The following LRP1B variants were observed in gnomAD, a reference collection of about 807,000 sequenced individuals.
The protein encoded by LRP1B is LDL receptor related protein 1B.
LRP1B carries 217 observed loss-of-function variants against 556.6 expected under a neutral mutation model. The observed-to-expected ratio is 0.39, with a 90% CI of 0.35 to 0.44. The LOEUF is 0.44. Among genes scored for constraint, LRP1B ranks in the 20% least tolerant of loss-of-function variants. The probability of loss-of-function intolerance (pLI) is 1.00; values close to 1 mark genes in which losing one functional copy is unlikely to be tolerated. For synonymous variants in LRP1B, 2,047 were observed against 1,865.8 expected (o/e 1.10, Z -2.50); for missense variants, 5,053 against 5,620.8 (o/e 0.90, Z 3.23).
intron 27 of LRP1B, among the ~76,000 whole-genome samples, chr2:140,854,363 A>G (rs1692552567): frequency 6.6e-6 from 1 of 152,158 alleles, no homozygotes; most frequent in South Asian, 2.1e-4. Flanking sequence ...AATTGCATTG[A>G]CTTTGTAGCC....
rs1688429602 is a variant in LRP1B at position 140,485,517 on chromosome 2, T to C, written c.9251A>G (p.His3084Arg). The change falls in exon 59 of 91, where the codon CAT (histidine) becomes CGT (arginine). Residue 3084 changes from histidine (H) to arginine (R), a missense_variant. By Grantham distance (29) the His-to-Arg change is conservative (BLOSUM62 0). Around this residue, in one of 5 missense-constraint regions of LRP1B, gnomAD observed 3,619 missense variants for 3,931.9 expected, o/e 0.92. Transcript: ENST00000389484. ...AAGTGCATTGGGGACCGCTGTGTTA[T>C]GAACTACCTACAAAACAAGAATTTA... ...CLNGSDIKVVHNTAVPNALAV... is the reference protein window; with the variant it reads ...CLNGSDIKVVRNTAVPNALAV... The C allele has an allele frequency of 3.7e-6, 6 of 1,610,932 alleles. No individual in the cohort carries two copies. Among genetic ancestry groups the C allele is most frequent in the African/African-American group, 1.3e-5 (1 of 74,718 alleles).
chr2:141,291,855 C>CAAAAAAAAAAACAAAAAAAAAAAA (rs1685970096), intron 3 of LRP1B, among the ~76,000 whole-genome samples: 1 of 99,334 alleles, frequency 1.0e-5, no homozygotes, highest in Non-Finnish European at 1.9e-5. Context: ...GACTCTGTCT[C>CAAAAAAAAAAACAAAAAAAAAAAA]AAAAAAAAAA....
chr2:141,034,220 A>G (rs961736371), intron 11 of LRP1B, among the ~76,000 whole-genome samples: 4 of 152,132 alleles, frequency 2.6e-5, no homozygotes, highest in Admixed American at 6.6e-5. Flanking sequence ...CTGTATTCCA[A>G]TTAGGAAATT....
chr2:141,210,927 A>G (rs1203284260), intron 6 of LRP1B, among the ~76,000 whole-genome samples: 1 of 152,194 alleles, frequency 6.6e-6, no homozygotes, highest in Non-Finnish European at 1.5e-5. Flanking sequence ...TAACAGCTAA[A>G]CTAACAATAA....
intron 2 of LRP1B, among the ~76,000 whole-genome samples, chr2:141,487,338 T>C (rs1275706999): frequency 6.6e-6 from 1 of 152,174 alleles, no homozygotes; most frequent in Non-Finnish European, 1.5e-5. Flanking sequence ...GCAGGTTTCT[T>C]GACACGGAAT....
chr2:141,683,149 A>G (rs1691164932), intron 2 of LRP1B, among the ~76,000 whole-genome samples: 1 of 152,134 alleles, frequency 6.6e-6, no homozygotes, highest in Non-Finnish European at 1.5e-5. Flanking sequence ...AGATTTTGGT[A>G]CTGGAAGTGG....
intron 2 of LRP1B, among the ~76,000 whole-genome samples, chr2:141,698,377 T>C (rs750664360): frequency 6.6e-6 from 1 of 151,696 alleles, no homozygotes; most frequent in African/African-American, 2.4e-5. Flanking sequence ...CAACAGCAGG[T>C]TGGCCTAATG....
chr2:140,953,331 C>T (rs1420244640), intron 18 of LRP1B, among the ~76,000 whole-genome samples: 2 of 152,088 alleles, frequency 1.3e-5, no homozygotes, highest in Non-Finnish European at 2.9e-5. Context: ...CCTTGTGATC[C>T]ACATGCCTCA....
Position 141,248,848 on chromosome 2 carries a change from A to C in LRP1B, c.464-1494T>G, listed in dbSNP as rs564059396. The stretch of plus-strand genomic sequence containing the variant: ...AATTAGATATGTGCTAATTTTATCC[A>C]AGAAATTGTCTTTTGAAGTTATATT... On this transcript the variant is annotated intron_variant, in intron 4 of 90. Coordinates refer to ENST00000389484, the MANE Select transcript of LRP1B (RefSeq NM_018557.3). Among the ~76,000 whole-genome samples the C allele has an allele frequency of 2.6e-5, 4 of 152,324 alleles. No homozygotes were observed. In the East Asian group the frequency reaches 7.7e-4, roughly 29 times the overall value.
Position 140,357,981 on chromosome 2 carries a change from A to G in LRP1B, c.11393T>C (p.Ile3798Thr). 1 of 1,609,678 alleles carries G rather than the reference A, an allele frequency of 6.2e-7. No homozygotes were observed. The highest frequency in any genetic ancestry group is 8.5e-7 in the Non-Finnish European group (1 of 1,177,036). ...TGCTTAACAGAAAACAAGCTCACCT[A>G]TTCTGCATCCTTGCTCATCTGAACC... Reference protein sequence around the residue: ...GDGSDEQGCRIAPTEYTCEDN... With the variant: ...GDGSDEQGCRTAPTEYTCEDN... The change falls in exon 74 of 91, where the codon ATA (isoleucine) becomes ACA (threonine). Residue 3798 changes from isoleucine to threonine, a missense_variant and splice_region_variant. Ile to Thr is a moderately conservative substitution (Grantham distance 89). Transcript: ENST00000389484.
At position 140,748,860 on chromosome 2, in the gene LRP1B, C is replaced by T. The variant is rs534266712; in HGVS notation, c.5758+20353G>A. Among the ~76,000 whole-genome samples the T allele has an allele frequency of 4.4e-3, 342 of 77,596 alleles. 5 individuals are homozygous for T. The highest frequency in any genetic ancestry group is 7.4e-3 in the Non-Finnish European group (298 of 40,476). 50.9% of individuals were successfully genotyped at this position (77,596 alleles called of 152,430 possible). On this transcript the variant is annotated intron_variant, in intron 35 of 90. Transcript: ENST00000389484. The stretch of plus-strand genomic sequence containing the variant: ...TATATACATGTATATAATATATATA[C>T]ACACACACACACAGAGTCATGCATC...
At chr2:140,930,650 C>T (rs1695021725) in intron 20 of LRP1B, among the ~76,000 whole-genome samples, 1 of 151,986 alleles carries the variant, frequency 6.6e-6, no homozygotes, top group South Asian at 2.1e-4. Flanking sequence ...AAGTCTTTTT[C>T]TTTTTCGATT....
chr2:141,068,347 T>A (rs13420055), intron 7 of LRP1B, among the ~76,000 whole-genome samples: 87,166 of 151,000 alleles, frequency 0.58, 25,378 homozygotes, highest in Non-Finnish European at 0.62. Context: ...CGTATGGGAC[T>A]TCTGGCCCAC....
intron 43 of LRP1B, among the ~76,000 whole-genome samples, chr2:140,552,243 T>C (rs1226085134): frequency 6.6e-6 from 1 of 152,116 alleles, no homozygotes; most frequent in Non-Finnish European, 1.5e-5. Context: ...TCAACAAACA[T>C]TTTTGAATCA....
At chr2:140,961,374 C>T (rs898054254) in intron 18 of LRP1B, among the ~76,000 whole-genome samples, 6 of 152,052 alleles carry the variant, frequency 3.9e-5, no homozygotes, top group South Asian at 2.1e-4. Flanking sequence ...ACAAAGCAGT[C>T]GCAATAGCTT....
chr2:140,655,016 G>A (rs1684825913), intron 41 of LRP1B, among the ~76,000 whole-genome samples: 1 of 144,820 alleles, frequency 6.9e-6, no homozygotes, highest in Non-Finnish European at 1.5e-5. Flanking sequence ...AGAGAAATTT[G>A]TATGGGTATA....
chr2:142,071,354 G>T (rs1167882176), intron 1 of LRP1B, among the ~76,000 whole-genome samples: 1 of 151,732 alleles, frequency 6.6e-6, no homozygotes, highest in Non-Finnish European at 1.5e-5. Context: ...TTCCTCTTTG[G>T]ATTCTCATAA....
intron 2 of LRP1B, among the ~76,000 whole-genome samples, chr2:141,706,121 C>T (rs906090324): frequency 6.6e-6 from 1 of 152,010 alleles, no homozygotes; most frequent in Admixed American, 6.6e-5. Context: ...CAGGATGACT[C>T]TGGAGACCCT....
intron 2 of LRP1B, among the ~76,000 whole-genome samples, chr2:141,624,403 G>A (rs972902766): frequency 2.6e-5 from 4 of 152,136 alleles, no homozygotes; most frequent in South Asian, 2.1e-4. Flanking sequence ...GAATAAAAGA[G>A]GACTAGAATG....
Sources: gnomAD v4.1 joint callset for allele counts (sites outside exome capture counted in the v4.1 genomes callset) on GRCh38, gnomAD v4.1.1 for gene constraint, gnomAD v4.1.1 regional missense constraint, MANE v1.5 for transcripts, NCBI Gene and HGNC (gene_info 2026-07-23, HGNC 2026-07-21) for gene names.